Variants in ERI3 observed in about 807,000 individuals in gnomAD.
ERI3 encodes ERI1 exoribonuclease family member 3.
A neutral mutation model predicts 44.4 loss-of-function variants in ERI3; 18 were observed. The ratio of observed to expected loss-of-function variants is 0.41; its 90% CI spans 0.28 to 0.60. ERI3 has a LOEUF of 0.60. Among genes scored for constraint, ERI3 ranks in the 20% least tolerant of loss-of-function variants. ERI3 has a pLI of 0.36. For synonymous variants in ERI3, 183 were observed against 164.8 expected (o/e 1.11, Z -0.84); for missense variants, 294 against 435.5 (o/e 0.68, Z 2.89).
intron 3 of ERI3, chr1:44,323,004 CT>C (rs1389865193): frequency 2.5e-6 from 3 of 1,219,096 alleles, no homozygotes; most frequent in African/African-American, 1.6e-5. Flanking sequence ...GATAATGAAA[CT>C]GTTATTCCTG....
chr1:44,303,597 C>G (rs1304457611), intron 6 of ERI3, among the ~76,000 whole-genome samples: 2 of 152,004 alleles, frequency 1.3e-5, no homozygotes, highest in Admixed American at 1.3e-4. Context: ...TCCAGGAAAA[C>G]AAAGGAAGGC....
chr1:44,247,259 T>C (rs1644573812), intron 8 of ERI3, among the ~76,000 whole-genome samples: 1 of 152,094 alleles, frequency 6.6e-6, no homozygotes, highest in South Asian at 2.1e-4. Flanking sequence ...GACACACAGA[T>C]ACAGACAGAT....
intron 7 of ERI3, among the ~76,000 whole-genome samples, chr1:44,281,495 G>GGA (rs1645280861): frequency 6.6e-6 from 1 of 151,190 alleles, no homozygotes; most frequent in Admixed American, 6.6e-5. Flanking sequence ...GGCTGAAGTG[G>GGA]GAGGATCATC....
Position 44,258,215 on chromosome 1 carries a change from A to G in ERI3, c.832-10177T>C, listed in dbSNP as rs558560977. On this transcript the variant is annotated intron_variant, in intron 7 of 8. Coordinates refer to ENST00000372257, the MANE Select transcript of ERI3 (RefSeq NM_024066.3). ...GGACAGGCCTGAAGATAAAAGAGAA[A>G]AATCATGTCCTTTTTCCTAATAAAA... Among the ~76,000 whole-genome samples the G allele has an allele frequency of 2.1e-3, 320 of 152,330 alleles. 3 individuals are homozygous for G. The highest frequency in any genetic ancestry group is 7.4e-3 in the African/African-American group (309 of 41,562).
At chr1:44,309,482 G>A (rs1050735981) in intron 5 of ERI3, among the ~76,000 whole-genome samples, 8 of 151,796 alleles carry the variant, frequency 5.3e-5, no homozygotes, top group African/African-American at 1.5e-4. Context: ...GTGACAGAGC[G>A]AGACTCTGTA....
chr1:44,247,860 C>G (rs575964462), intron 8 of ERI3, 79 bp downstream of exon 8: 2 of 1,172,064 alleles, frequency 1.7e-6, no homozygotes, highest in Middle Eastern at 2.0e-4. Flanking sequence ...CATGGAAACT[C>G]TCTATGTGCC....
intron 8 of ERI3, among the ~76,000 whole-genome samples, chr1:44,223,537 A>G (rs1227084176): frequency 1.3e-5 from 2 of 152,166 alleles, no homozygotes; most frequent in East Asian, 1.9e-4. Flanking sequence ...GCCGCTGTGC[A>G]TATTAAGAAT....
At chr1:44,239,576 C>A (rs1310144435) in intron 8 of ERI3, among the ~76,000 whole-genome samples, 1 of 152,210 alleles carries the variant, frequency 6.6e-6, no homozygotes, top group African/African-American at 2.4e-5. Context: ...GCAAGAGGGG[C>A]AGGGTTACCC....
chr1:44,275,349 C>A (rs1645161345), intron 7 of ERI3, among the ~76,000 whole-genome samples: 1 of 152,310 alleles, frequency 6.6e-6, no homozygotes, highest in Non-Finnish European at 1.5e-5. Flanking sequence ...GCCAGCTCAG[C>A]CCACTTGCTG....
intron 7 of ERI3, among the ~76,000 whole-genome samples, chr1:44,249,941 C>T (rs1031281654): frequency 6.6e-6 from 1 of 151,842 alleles, no homozygotes; most frequent in South Asian, 2.1e-4. Context: ...CTGGAGAAGA[C>T]GAGCTGGATG....
chr1:44,288,418 A>G (rs1245944617), intron 6 of ERI3, among the ~76,000 whole-genome samples: 2 of 152,174 alleles, frequency 1.3e-5, no homozygotes, highest in African/African-American at 4.8e-5. Flanking sequence ...TCTTCATGAG[A>G]GACATAGGGT....
At position 44,306,697 on chromosome 1, in the gene ERI3, C is replaced by T. The variant is rs75858318; in HGVS notation, c.758+1613G>A. 2.3e-3 allele frequency among the ~76,000 whole-genome samples: 351 copies of T among 152,318 alleles called. 1 individual carries two copies. Among genetic ancestry groups the T allele is most frequent in the African/African-American group, 8.0e-3 (334 of 41,572 alleles). Reference sequence around the variant, plus strand: ...TTCATATACACATATATGTACGCATCGTGCACAGTTAAAGTAGAAGATTCT... The same window carrying T: ...TTCATATACACATATATGTACGCATTGTGCACAGTTAAAGTAGAAGATTCT... On this transcript the variant is annotated intron_variant, in intron 6 of 8. Coordinates refer to ENST00000372257, the MANE Select transcript of ERI3 (RefSeq NM_024066.3).
chr1:44,304,209 TTTC>T (rs1645786421), intron 6 of ERI3, among the ~76,000 whole-genome samples: 1 of 152,100 alleles, frequency 6.6e-6, no homozygotes, highest in African/African-American at 2.4e-5. Flanking sequence ...ATGAGCCCGA[TTTC>T]TTTTCTCCAG....
intron 2 of ERI3, among the ~76,000 whole-genome samples, chr1:44,340,054 G>A (rs1180996405): frequency 6.6e-6 from 1 of 151,798 alleles, no homozygotes; most frequent in Non-Finnish European, 1.5e-5. Flanking sequence ...GAATGACTGC[G>A]GGACTTTTTA....
intron 2 of ERI3, among the ~76,000 whole-genome samples, chr1:44,342,243 G>C (rs1014381527): frequency 1.3e-5 from 2 of 152,168 alleles, no homozygotes; most frequent in African/African-American, 4.8e-5. Flanking sequence ...AGCCGAGGGG[G>C]ATGTGGAGAG....
intron 3 of ERI3, among the ~76,000 whole-genome samples, chr1:44,332,172 T>C (rs971023806): frequency 1.3e-5 from 2 of 152,198 alleles, no homozygotes; most frequent in Non-Finnish European, 2.9e-5. Context: ...GGTTTTTTTA[T>C]GTCCAACAAA....
chr1:44,286,030 G>A (rs575745760), intron 6 of ERI3, among the ~76,000 whole-genome samples: 1 of 152,296 alleles, frequency 6.6e-6, no homozygotes. Flanking sequence ...ATGTAAAGGA[G>A]GCCCCAGTGA....
chr1:44,274,009 A>C (rs1426914519), intron 7 of ERI3, among the ~76,000 whole-genome samples: 1 of 152,194 alleles, frequency 6.6e-6, no homozygotes. Flanking sequence ...AGAGCCTTCC[A>C]TACCTACCCT....
chr1:44,269,248 A>T (rs1169168951), intron 7 of ERI3, among the ~76,000 whole-genome samples: 1 of 152,206 alleles, frequency 6.6e-6, no homozygotes, highest in Non-Finnish European at 1.5e-5. Context: ...TCCCTCATCC[A>T]ACTCCCTTAT....
Sources: gnomAD v4.1 joint callset for allele counts (sites outside exome capture counted in the v4.1 genomes callset) on GRCh38, gnomAD v4.1.1 for gene constraint, MANE v1.5 for transcripts, NCBI Gene and HGNC (gene_info 2026-07-23, HGNC 2026-07-21) for gene names.